Variants in DLC1 observed in about 807,000 individuals in gnomAD.
DLC1 encodes the protein DLC1 Rho GTPase activating protein.
Under a neutral mutation model 140.3 loss-of-function variants are expected in DLC1, and 54 were observed. That is an observed-to-expected ratio of 0.38 (90% CI 0.31 to 0.48). The LOEUF is 0.48. DLC1 is among the 20% of genes least tolerant of loss of function. The pLI is 0.96. For missense variants in DLC1, 2,536 were observed against 1,907.0 expected, an observed-to-expected ratio of 1.33 and a Z score of -6.14; for synonymous variants, 986 against 728.1, an observed-to-expected ratio of 1.35 and a Z score of -5.70.
At chr8:13,125,149 G>A (rs1342446124) in intron 5 of DLC1, among the ~76,000 whole-genome samples, 9 of 152,156 alleles carry the variant, frequency 5.9e-5, no homozygotes, top group East Asian at 3.9e-4. Context: ...GGTAATTTTC[G>A]TATTTTTAGT....
chr8:13,456,651 G>T lies in DLC1; in HGVS notation c.1023+42398C>A, dbSNP rs529925054. ...TTTTTGTATTTTTAGTAGAGATGGG[G>T]TTTCACCATGTGGGCCAGGCTGGTT... is the stretch of plus-strand genomic sequence containing the variant. On this transcript the variant is annotated intron_variant, in intron 2 of 17. Coordinates refer to ENST00000276297, the MANE Select transcript of DLC1 (RefSeq NM_182643.3). 2.5e-3 allele frequency among the ~76,000 whole-genome samples: 376 copies of T among 152,098 alleles called. 3 individuals carry two copies. The highest frequency in any genetic ancestry group is 0.01 in the Middle Eastern group (3 of 294).
intron 5 of DLC1, among the ~76,000 whole-genome samples, chr8:13,181,998 G>C (rs2116980275): frequency 6.6e-6 from 1 of 152,270 alleles, no homozygotes; most frequent in African/African-American, 2.4e-5. Context: ...TCCAGCACCT[G>C]TTGTTTCCTG....
intron 2 of DLC1, among the ~76,000 whole-genome samples, chr8:13,417,461 T>G (rs1838121646): frequency 6.6e-6 from 1 of 151,588 alleles, no homozygotes. Flanking sequence ...TATGTGGTGT[T>G]TGGTTTTTTT....
chr8:13,482,558 T>C lies in DLC1; in HGVS notation c.1023+16491A>G, dbSNP rs1411151180. Among the ~76,000 whole-genome samples the C allele has an allele frequency of 3.3e-5, 5 of 152,196 alleles. 1 individual carries two copies. The highest frequency in any genetic ancestry group is 5.9e-5 in the Non-Finnish European group (4 of 68,032). On this transcript the variant is annotated intron_variant, in intron 2 of 17. Transcript: ENST00000276297. ...ATAGCTATAGAAATCATGTTTTCTATCAAGCAAAATAAGGTACATTTAATG... is the reference window on the plus strand; with the variant it reads ...ATAGCTATAGAAATCATGTTTTCTACCAAGCAAAATAAGGTACATTTAATG...
chr8:13,447,566 TTA>T (rs1487308292), intron 2 of DLC1, among the ~76,000 whole-genome samples: 1 of 152,174 alleles, frequency 6.6e-6, no homozygotes, highest in Non-Finnish European at 1.5e-5. Context: ...CAATACTATT[TTA>T]GAAAAGAAAA....
At chr8:13,282,584 G>A (rs538717089) in intron 5 of DLC1, among the ~76,000 whole-genome samples, 2 of 152,016 alleles carry the variant, frequency 1.3e-5, no homozygotes, top group African/African-American at 4.8e-5. Context: ...ACTTCAGGGG[G>A]AAATAATTTC....
intron 2 of DLC1, among the ~76,000 whole-genome samples, chr8:13,454,603 T>G (rs1326157675): frequency 6.6e-6 from 1 of 152,204 alleles, no homozygotes; most frequent in African/African-American, 2.4e-5. Flanking sequence ...TCATCCAGGC[T>G]GGACTGCAGT....
intron 10 of DLC1, among the ~76,000 whole-genome samples, chr8:13,098,164 G>T (rs1447770857): frequency 6.6e-6 from 1 of 151,560 alleles, no homozygotes; most frequent in African/African-American, 2.4e-5. Flanking sequence ...GGTCAAGGCT[G>T]CAGTGAGCCG....
intron 2 of DLC1, among the ~76,000 whole-genome samples, chr8:13,496,808 TTTTTTTTTTTGA>T: frequency 1.7e-5 from 2 of 118,804 alleles, no homozygotes; most frequent in African/African-American, 7.3e-5. Context: ...TTTTTTTTTT[TTTTTTTTTTTGA>T]GATGGAGTTT....
chr8:13,594,250 C>T (rs1160752900), intron 1 of DLC1, among the ~76,000 whole-genome samples: 1 of 152,102 alleles, frequency 6.6e-6, no homozygotes, highest in Non-Finnish European at 1.5e-5. Flanking sequence ...TTCCAACAAA[C>T]AGAAAACCTC....
At chr8:13,440,665 C>G (rs1472673944) in intron 2 of DLC1, among the ~76,000 whole-genome samples, 1 of 152,026 alleles carries the variant, frequency 6.6e-6, no homozygotes, top group Non-Finnish European at 1.5e-5. Context: ...TTATTTCTCC[C>G]AGAACTCCCA....
chr8:13,322,066 T>A (rs542097481), intron 4 of DLC1, among the ~76,000 whole-genome samples: 5 of 152,316 alleles, frequency 3.3e-5, no homozygotes, highest in African/African-American at 1.2e-4. Flanking sequence ...TTCAAATGCA[T>A]TATTTACATT....
chr8:13,550,305 A>G (rs12550753), intron 1 of DLC1, among the ~76,000 whole-genome samples: 11,850 of 152,132 alleles, frequency 0.078, 711 homozygotes, highest in Admixed American at 0.18. Flanking sequence ...CCATGTGAAG[A>G]AGGTCCTTGC....
At chr8:13,549,304 AACTT>A (rs1229308311) in intron 1 of DLC1, among the ~76,000 whole-genome samples, 1 of 152,152 alleles carries the variant, frequency 6.6e-6, no homozygotes, top group Non-Finnish European at 1.5e-5. Flanking sequence ...TATGAAAAGA[AACTT>A]AATACTTTAA....
intron 2 of DLC1, among the ~76,000 whole-genome samples, chr8:13,468,676 C>T (rs1260730658): frequency 1.3e-5 from 2 of 151,184 alleles, no homozygotes; most frequent in African/African-American, 4.9e-5. Context: ...TGTCAGGCTG[C>T]CACTTTTTAT....
chr8:13,120,330 G>A (rs1390164174), intron 5 of DLC1, among the ~76,000 whole-genome samples: 9 of 25,398 alleles, frequency 3.5e-4, no homozygotes, highest in Admixed American at 5.4e-4. Flanking sequence ...ATGACAGAAA[G>A]AGACTCCGTC....
chr8:13,385,288 A>G (rs920872129), intron 4 of DLC1, among the ~76,000 whole-genome samples: 3 of 152,216 alleles, frequency 2.0e-5, no homozygotes, highest in Non-Finnish European at 4.4e-5. Flanking sequence ...CAACACAGAT[A>G]AAGCAATCTA....
At chr8:13,405,940 T>TCTTC (rs1491193704) in intron 2 of DLC1, among the ~76,000 whole-genome samples, 6 of 141,118 alleles carry the variant, frequency 4.3e-5, no homozygotes, top group African/African-American at 1.6e-4. Context: ...TTTCTTTCTT[T>TCTTC]CTTTCTTTCT....
rs373478654 is a variant in DLC1 at position 13,597,149 on chromosome 8, A to G, written c.-126+7388T>C. Among the ~76,000 whole-genome samples, 497 of 152,146 alleles carry G rather than the reference A, an allele frequency of 3.3e-3. 2 individuals carry two copies. Among genetic ancestry groups the G allele is most frequent in the African/African-American group, 0.011 (452 of 41,562 alleles). Reference sequence around the variant, plus strand: ...TATTACGTTTGCAGTTTAGGAGCCAAAATTCTTATCAAATTTATTGATATA... The same window carrying G: ...TATTACGTTTGCAGTTTAGGAGCCAGAATTCTTATCAAATTTATTGATATA... On this transcript the variant is annotated intron_variant, in intron 1 of 1. Coordinates refer to the DLC1 transcript ENST00000631382.
Sources: gnomAD v4.1 joint callset for allele counts (sites outside exome capture counted in the v4.1 genomes callset) on GRCh38, gnomAD v4.1.1 for gene constraint, MANE v1.5 for transcripts, NCBI Gene and HGNC (gene_info 2026-07-23, HGNC 2026-07-21) for gene names.